COL6A5: variants seen among roughly 807,000 people sequenced by gnomAD.
COL6A5 encodes collagen type VI alpha 5 chain.
Under a neutral mutation model 65.6 loss-of-function variants are expected in COL6A5, and 48 were observed. The observed-to-expected ratio is 0.73, with a 90% confidence interval of 0.58 to 0.93. The LOEUF is 0.93. Among genes scored for constraint, COL6A5 ranks in the 40% least tolerant of loss-of-function variants. The pLI is 0.00. For synonymous variants in COL6A5, 291 were observed against 322.8 expected (o/e 0.90, Z 1.05); for missense variants, 914 against 928.3 (o/e 0.98, Z 0.20).
At chr3:130,388,886 G>C in exon 6 of COL6A5, 2 of 1,549,622 alleles carry the variant, frequency 1.3e-6, no homozygotes, top group Non-Finnish European at 1.7e-6. Context: ...CACTCCAAGG[G>C]GGCCCGTTTG....
intron 5 of COL6A5, among the ~76,000 whole-genome samples, chr3:130,466,755 C>T (rs1029381194): frequency 6.6e-6 from 1 of 151,894 alleles, no homozygotes; most frequent in African/African-American, 2.4e-5. Flanking sequence ...ACACAACTTT[C>T]CAATATCAGA....
upstream of COL6A5, among the ~76,000 whole-genome samples, chr3:130,428,736 G>A (rs146208061): frequency 1.6e-3 from 249 of 152,274 alleles, no homozygotes; most frequent in African/African-American, 5.8e-3. Flanking sequence ...TGGGTTATGT[G>A]TGCTGTCTGA....
At chr3:130,379,746 CAGA>C (rs1935924841) in exon 4 of COL6A5, 44 of 1,551,424 alleles carry the variant, frequency 2.8e-5, no homozygotes, top group Non-Finnish European at 3.7e-5. Context: ...CATATGGCAG[CAGA>C]AGAGCACAAG....
chr3:130,348,291 A>G (rs1220564976), intron 1 of COL6A5, among the ~76,000 whole-genome samples: 1 of 152,092 alleles, frequency 6.6e-6, no homozygotes, highest in Non-Finnish European at 1.5e-5. Flanking sequence ...ACTCCCTGAC[A>G]GGCCCTGGTG....
chr3:130,420,006 C>T (rs1937479725), intron 25 of COL6A5, among the ~76,000 whole-genome samples: 1 of 152,050 alleles, frequency 6.6e-6, no homozygotes. Flanking sequence ...TCCATTGCCT[C>T]CATAAAGGCT....
At chr3:130,440,483 T>G in exon 3 of COL6A5, 3 of 1,613,738 alleles carry the variant, frequency 1.9e-6, no homozygotes, top group East Asian at 2.2e-5. Flanking sequence ...CCAGACTTCC[T>G]TCCAACAGCT....
intron 4 of COL6A5, among the ~76,000 whole-genome samples, chr3:130,446,659 G>T (rs537866578): frequency 1.6e-4 from 24 of 152,202 alleles, no homozygotes; most frequent in African/African-American, 5.5e-4. Flanking sequence ...TGACACAGAC[G>T]TCTTTTCTCT....
chr3:130,401,657 A>T, intron 11 of COL6A5, 105 bp from the exon 12 acceptor site: 1 of 821,800 alleles, frequency 1.2e-6, no homozygotes, highest in African/African-American at 1.7e-5. Context: ...CCAAAGGGTG[A>T]AGATGGGCGT....
chr3:130,463,917 A>T (rs1177853228), intron 5 of COL6A5, among the ~76,000 whole-genome samples: 2 of 152,014 alleles, frequency 1.3e-5, no homozygotes, highest in Non-Finnish European at 2.9e-5. Flanking sequence ...ATAAGTTGGG[A>T]GGTAACCTAT....
intron 4 of COL6A5, among the ~76,000 whole-genome samples, chr3:130,384,451 CT>C (rs1473272365): frequency 2.0e-5 from 3 of 151,890 alleles, no homozygotes; most frequent in African/African-American, 7.3e-5. Context: ...AATCCCATGC[CT>C]TTTTTCAAGA....
chr3:130,426,102 T>C (rs1405424360), intron 29 of COL6A5, 112 bp from the exon 30 acceptor site: 14 of 962,592 alleles, frequency 1.5e-5, no homozygotes, highest in Non-Finnish European at 2.1e-5. Flanking sequence ...AACTACTCTC[T>C]ACCAGCTGTG....
chr3:130,439,626 T>TAAG lies in COL6A5; in HGVS notation c.581+11_581+12insAAG. ...GTGCACTTTGCTATGGTAAGACCAA[T>TAAG]GAAGAGAATTGACTGTGCTGAAGAG... On this transcript the variant is annotated intron_variant, in intron 2 of 7. Transcript: ENST00000512836. 2 of 1,535,940 alleles carry TAAG rather than the reference T, an allele frequency of 1.3e-6. No individual in the cohort carries two copies. The highest frequency in any genetic ancestry group is 1.8e-6 in the Non-Finnish European group (2 of 1,132,872).
intron 4 of COL6A5, 76 bp from the exon 5 acceptor site, chr3:130,384,728 T>C: frequency 1.7e-6 from 2 of 1,207,434 alleles, no homozygotes; most frequent in Non-Finnish European, 2.3e-6. Context: ...TGCCTCAGCC[T>C]CATGTTCCTT....
At chr3:130,455,917 C>A (rs1709561675) in intron 5 of COL6A5, among the ~76,000 whole-genome samples, 1 of 152,094 alleles carries the variant, frequency 6.6e-6, no homozygotes, top group African/African-American at 2.4e-5. Context: ...ATTTCTCTAG[C>A]ATCCACAGTT....
At chr3:130,400,757 T>C (rs1559880839) in intron 10 of COL6A5, among the ~76,000 whole-genome samples, 1 of 152,234 alleles carries the variant, frequency 6.6e-6, no homozygotes, top group Non-Finnish European at 1.5e-5. Context: ...TTTCTATTAG[T>C]GTTTTTCTGT....
At chr3:130,440,137 C>T in intron 2 of COL6A5, 29 bp from the exon 35 acceptor site, 1 of 1,576,602 alleles carries the variant, frequency 6.3e-7, no homozygotes, top group Non-Finnish European at 8.6e-7. Context: ...AGTGTTGAAC[C>T]AATGATGTGT....
At chr3:130,457,000 C>T (rs1292868852) in intron 5 of COL6A5, among the ~76,000 whole-genome samples, 1 of 151,956 alleles carries the variant, frequency 6.6e-6, no homozygotes, top group East Asian at 1.9e-4. Context: ...AGTAGTGATG[C>T]AGTAAAACTA....
intron 1 of COL6A5, among the ~76,000 whole-genome samples, chr3:130,373,357 A>G (rs887799854): frequency 6.6e-5 from 10 of 152,084 alleles, no homozygotes; most frequent in African/African-American, 2.4e-4. Context: ...TCCCTATAAG[A>G]TTGTTGTGAG....
chr3:130,391,171 T>C lies in COL6A5; in HGVS notation c.2417-8T>C. ...AAGTTTGTGACTCCTGTTTTCATCT[T>C]CTTTCAGATTGTAAAAGGATTACAC... On this transcript the variant is annotated splice_polypyrimidine_tract_variant and splice_region_variant and intron_variant and NMD_transcript_variant, in intron 6 of 41. Coordinates refer to the COL6A5 transcript ENST00000312481. 1 of 1,541,570 alleles carries C rather than the reference T, an allele frequency of 6.5e-7. No individual in the cohort carries two copies.
Sources: allele counts gnomAD v4.1 joint callset (sites outside exome capture counted in the v4.1 genomes callset), GRCh38; gene constraint gnomAD v4.1.1; transcripts MANE v1.5; gene names NCBI Gene and HGNC (gene_info 2026-07-23, HGNC 2026-07-21).